P2RX3: variants seen among roughly 807,000 people sequenced by gnomAD.
P2RX3 encodes P2X purinoceptor 3.
A neutral mutation model predicts 51.5 loss-of-function variants in P2RX3; 41 were observed. That is an observed-to-expected ratio of 0.80 (90% CI 0.62 to 1.03). P2RX3 has a LOEUF of 1.03. P2RX3 is among the 50% of genes least tolerant of loss of function. The pLI, the probability that P2RX3 is intolerant of heterozygous loss-of-function variation, is 0.00. For missense variants in P2RX3, 459 were observed against 522.1 expected (o/e 0.88, Z 1.18); for synonymous variants, 185 against 191.6 (o/e 0.97, Z 0.29).
Position 57,349,757 on chromosome 11 carries a change from G to A in P2RX3, c.564G>A (p.Lys188=). The A allele has an allele frequency of 6.2e-7, 1 of 1,614,068 alleles. No homozygotes were observed. The highest frequency in any genetic ancestry group is 1.1e-5 in the South Asian group (1 of 91,058). The change falls in exon 7 of 12, where the codon AAG becomes AAA. Residue 188 remains lysine, a splice_region_variant and synonymous_variant. Coordinates refer to ENST00000263314, the MANE Select transcript of P2RX3 (RefSeq NM_002559.5). ...GACCTCTCTCTCTGCTCCTCCCCAG[G>A]GGAAACCTCCTTCCCAACCTGACAG... The part of the protein sequence containing the change: ...SIRFPLFNFE[K]GNLLPNLTAR...
rs201654714 is a variant in P2RX3 at position 57,348,184 on chromosome 11, C to T, written c.406C>T (p.Arg136Cys). The change falls in exon 5 of 12, where the codon CGC becomes TGC. Residue 136 changes from arginine to cysteine, a missense_variant. Arg to Cys is a radical substitution (Grantham distance 180). Transcript: ENST00000263314. ...TCTCACTTTAGGGATCCTCACTGGC[C>T]GCTGCGTGAACTACAGCTCTGTGCT... ...RLPGGGILTG[R>C]CVNYSSVLRT... The T allele has an allele frequency of 2.7e-5, 43 of 1,589,520 alleles. No homozygotes were observed. Among genetic ancestry groups the T allele is most frequent in the African/African-American group, 4.0e-5 (3 of 74,798 alleles).
At chr11:57,346,413 C>T in intron 1 of P2RX3, 131 bp from the exon 2 acceptor site, 1 of 1,109,400 alleles carries the variant, frequency 9.0e-7, no homozygotes, top group South Asian at 1.5e-5. Flanking sequence ...GGTCTCACGC[C>T]TCTGGAAGGA....
intron 5 of P2RX3, 45 bp from the exon 6 acceptor site, chr11:57,348,582 C>G: frequency 6.6e-7 from 1 of 1,518,912 alleles, no homozygotes; most frequent in Non-Finnish European, 9.1e-7. Context: ...CTTCATTTCC[C>G]CCTCTTCTTC....
In P2RX3 at chr11:57,371,831, T is replaced by C. The variant is rs893174731; in HGVS notation, c.*1834T>C. Among the ~76,000 whole-genome samples, 1 of 152,196 alleles carries C rather than the reference T, an allele frequency of 6.6e-6. No individual in the cohort carries two copies. The highest frequency in any genetic ancestry group is 1.5e-5 in the Non-Finnish European group (1 of 68,020). On this transcript the variant is annotated 3_prime_UTR_variant, in exon 12 of 12. Coordinates refer to ENST00000263314, the MANE Select transcript of P2RX3 (RefSeq NM_002559.5). ...CTGGGGAATTCAGCTCTTGGGAGGC[T>C]GGGGTCACAGGGATTCTCTCTAATG...
chr11:57,338,340 C>T (rs1284568796), upstream of P2RX3: 3 of 418,656 alleles, frequency 7.2e-6, no homozygotes, highest in Admixed American at 3.5e-5. Context: ...GGGGGTCCCC[C>T]GCCCTGGTCC....
rs756970005 is a variant in P2RX3, at chr11:57,369,970, T to C, written c.1167T>C (p.Asp389=). 1 of 1,613,844 alleles carries C rather than the reference T, an allele frequency of 6.2e-7. No individual in the cohort carries two copies. Among genetic ancestry groups the C allele is most frequent in the Middle Eastern group, 1.6e-4 (1 of 6,062 alleles). ...CCACAGCGGAGAAGCAGTCCACCGATTCGGGGGCCTTCTCCATAGGCCACT... is the reference window on the plus strand; with the variant it reads ...CCACAGCGGAGAAGCAGTCCACCGACTCGGGGGCCTTCTCCATAGGCCACT... The part of the protein sequence containing the change: ...DQTTAEKQST[D]SGAFSIGH The change falls in exon 12 of 12, where the codon GAT becomes GAC. Residue 389 remains aspartate (D), a synonymous_variant. Transcript: ENST00000263314.
At chr11:57,347,673 T>G (rs1856466464) in intron 4 of P2RX3, among the ~76,000 whole-genome samples, 195 bp downstream of exon 4, 1 of 152,028 alleles carries the variant, frequency 6.6e-6, no homozygotes, top group African/African-American at 2.4e-5. Context: ...GAGTTCCCAG[T>G]CTAGGATGGT....
At chr11:57,347,346 C>T (rs1442501694) in intron 3 of P2RX3, 69 bp from the exon 4 acceptor site, 7 of 1,526,724 alleles carry the variant, frequency 4.6e-6, no homozygotes, top group South Asian at 1.2e-5. Context: ...ATGGGGAGGT[C>T]GAGGGAGTCG....
Position 57,338,499 on chromosome 11 carries a change from C to T in P2RX3, c.-52C>T. 2.2e-6 allele frequency: 3 copies of T among 1,373,624 alleles called. No individual in the cohort carries two copies. The highest frequency in any genetic ancestry group is 3.1e-6 in the Non-Finnish European group (3 of 978,522). 85.1% of individuals were successfully genotyped at this position (1,373,624 alleles called of 1,614,324 possible). On this transcript the variant is annotated 5_prime_UTR_variant, in exon 1 of 12. Coordinates refer to ENST00000263314, the MANE Select transcript of P2RX3 (RefSeq NM_002559.5). ...CCCTGTCCTGTAGGACCTCCCTCTC[C>T]TGAGGCCACCACTGGGCCCCCTTCT...
chr11:57,371,733 G>C lies in P2RX3; in HGVS notation c.*1736G>C, dbSNP rs186854331. ...TGGGCAGTGCCTGGAGATCTGACCA[G>C]ACTATGCTTCTCCAGCAGAGACATC... On this transcript the variant is annotated 3_prime_UTR_variant, in exon 12 of 12. Transcript: ENST00000263314. Among the ~76,000 whole-genome samples the C allele has an allele frequency of 6.9e-4, 105 of 152,320 alleles. 1 individual carries two copies. The highest frequency in any genetic ancestry group is 2.1e-3 in the African/African-American group (86 of 41,586).
At chr11:57,336,995 G>C (rs1370493194), upstream of P2RX3, among the ~76,000 whole-genome samples, 1 of 152,102 alleles carries the variant, frequency 6.6e-6, no homozygotes, top group Non-Finnish European at 1.5e-5. Context: ...ACTTGAACAA[G>C]GTGAAAACAT....
At chr11:57,338,174 A>G (rs1057198777), upstream of P2RX3, among the ~76,000 whole-genome samples, 1 of 152,216 alleles carries the variant, frequency 6.6e-6, no homozygotes, top group African/African-American at 2.4e-5. Flanking sequence ...AGGATGCTGC[A>G]GAAGAGAACA....
intron 1 of P2RX3, among the ~76,000 whole-genome samples, chr11:57,341,126 A>C (rs1307336809): frequency 6.6e-6 from 1 of 152,060 alleles, no homozygotes; most frequent in Non-Finnish European, 1.5e-5. Flanking sequence ...AGTTTGAGAG[A>C]GAGAGAGACA....
chr11:57,349,704 A>C lies in P2RX3; in HGVS notation c.564-53A>C, dbSNP rs1444498156. On this transcript the variant is annotated intron_variant, in intron 6 of 11. Transcript: ENST00000263314. ...TCCGGAAGGCGGGGAGAGATTGCAC[A>C]AGACGATCTTCCCATGAACCCTGGG... 5 of 1,611,000 alleles carry C rather than the reference A, an allele frequency of 3.1e-6. No individual in the cohort carries two copies. In the African/African-American group the frequency reaches 5.3e-5, roughly 17 times the overall value.
chr11:57,339,475 G>T (rs1035497495), intron 1 of P2RX3, among the ~76,000 whole-genome samples: 3 of 151,944 alleles, frequency 2.0e-5, no homozygotes, highest in African/African-American at 4.8e-5. Context: ...AGCCAGGAAG[G>T]TGCAACCATC....
At chr11:57,361,270 C>T in intron 8 of P2RX3, among the ~76,000 whole-genome samples, 1 of 152,162 alleles carries the variant, frequency 6.6e-6, no homozygotes, top group East Asian at 1.9e-4. Context: ...TCCTTCAAGC[C>T]CCAGCTTGAG....
chr11:57,349,843 G>T lies in P2RX3; in HGVS notation c.650G>T (p.Arg217Leu). Residue 217 changes from arginine to leucine, a missense_variant, in exon 7 of 12, where the codon CGG becomes CTG. By Grantham distance (102) the Arg-to-Leu change is moderately radical (BLOSUM62 -2). Coordinates refer to ENST00000263314, the MANE Select transcript of P2RX3 (RefSeq NM_002559.5). Reference sequence around the variant, plus strand: ...AAGGACCCTTTCTGCCCCATCTTGCGGGTAGGGGACGTGGTCAAGTTTGCG... The same window carrying T: ...AAGGACCCTTTCTGCCCCATCTTGCTGGTAGGGGACGTGGTCAAGTTTGCG... ...PDKDPFCPIL[R>L]VGDVVKFAGQ... The T allele has an allele frequency of 6.2e-7, 1 of 1,614,224 alleles. No homozygotes were observed. The highest frequency in any genetic ancestry group is 8.5e-7 in the Non-Finnish European group (1 of 1,180,036).
At chr11:57,362,327 G>A (rs1002572073) in intron 8 of P2RX3, among the ~76,000 whole-genome samples, 13 of 152,286 alleles carry the variant, frequency 8.5e-5, no homozygotes, top group Non-Finnish European at 1.8e-4. Flanking sequence ...TCAAGGTATC[G>A]AATGGTCCTG....
chr11:57,368,130 T>A, intron 9 of P2RX3, 28 bp downstream of exon 9: 4 of 1,604,898 alleles, frequency 2.5e-6, no homozygotes, highest in Non-Finnish European at 3.4e-6. Context: ...GCAGATGGGG[T>A]GGACAGGGGA....
Sources: gnomAD v4.1 joint callset for allele counts (sites outside exome capture counted in the v4.1 genomes callset) on GRCh38, gnomAD v4.1.1 for gene constraint, MANE v1.5 for transcripts, NCBI Gene and HGNC (gene_info 2026-07-23, HGNC 2026-07-21) for gene names.